Variants in GMPPA observed in about 807,000 individuals in gnomAD.
The protein encoded by GMPPA is mannose-1-phosphate guanylyltransferase regulatory subunit alpha.
Under a neutral mutation model 58.6 loss-of-function variants are expected in GMPPA, and 46 were observed. That is an observed-to-expected ratio of 0.78 (90% CI 0.62 to 1.00). GMPPA has a LOEUF of 1.00. Ranked by LOEUF, GMPPA falls within the 50% of genes least tolerant of loss-of-function variation. GMPPA has a pLI of 0.00. For missense variants in GMPPA, 468 were observed against 556.4 expected, an observed-to-expected ratio of 0.84 and a Z score of 1.60; for synonymous variants, 211 against 214.9, an observed-to-expected ratio of 0.98 and a Z score of 0.16.
At position 219,506,238 on chromosome 2, in the gene GMPPA, C is replaced by T; in HGVS notation, c.994-16C>T. 6.3e-7 allele frequency: 1 copy of T among 1,596,356 alleles called. No homozygotes were observed. Among genetic ancestry groups the T allele is most frequent in the Non-Finnish European group, 8.6e-7 (1 of 1,168,102 alleles). On this transcript the variant is annotated splice_polypyrimidine_tract_variant and intron_variant, in intron 11 of 12. Transcript: ENST00000313597. ...TCCTGCCTCTTCCCCTTACCTTTCA[C>T]TGTCCTCTTTGGCAGGAGCACACGT... is the stretch of plus-strand genomic sequence containing the variant.
chr2:219,501,773 G>C (rs894186395), intron 4 of GMPPA, 78 bp from the exon 5 acceptor site: 1 of 1,293,046 alleles, frequency 7.7e-7, no homozygotes, highest in Non-Finnish European at 1.1e-6. Flanking sequence ...GGGAGCAAGC[G>C]GTGGCGGTCA....
rs763276959 is a variant in GMPPA, at chr2:219,502,372, T to C, written c.430-10T>C. ...GGCGGGTCACTGTCTCGGGTGTGTC[T>C]GTCTTTCAGGCTAACAGGACGCAAT... On this transcript the variant is annotated splice_polypyrimidine_tract_variant and intron_variant, in intron 5 of 12. Transcript: ENST00000313597. This position sits in a 1 kb window ranked among gnomAD's most constrained non-coding sequence, Gnocchi z 4.0. 1.2e-6 allele frequency: 2 copies of C among 1,613,214 alleles called. No individual in the cohort carries two copies. The highest frequency in any genetic ancestry group is 1.1e-5 in the South Asian group (1 of 91,050).
At position 219,501,930 on chromosome 2, in the gene GMPPA, G is replaced by C. The variant is rs770645993; in HGVS notation, c.322G>C (p.Glu108Gln). Residue 108 changes from glutamate to glutamine, a missense_variant, in exon 5 of 13, where the codon GAG becomes CAG. By Grantham distance (29) the Glu-to-Gln change is conservative (BLOSUM62 2). Coordinates refer to ENST00000313597, the MANE Select transcript of GMPPA (RefSeq NM_013335.4). ...AGACCAGATCCTGGCTGGGAGCCCC[G>C]AGGCATTCTTCGTGCTCAATGCTGA... is the stretch of plus-strand genomic sequence containing the variant. Reference protein sequence around the residue: ...FRDQILAGSPEAFFVLNADVC... With the variant: ...FRDQILAGSPQAFFVLNADVC... The C allele has an allele frequency of 1.2e-6, 2 of 1,613,988 alleles. No homozygotes were observed. Among genetic ancestry groups the C allele is most frequent in the South Asian group, 1.1e-5 (1 of 91,080 alleles).
Position 219,501,855 on chromosome 2 carries a change from C to G in GMPPA, c.247C>G (p.Leu83Val), listed in dbSNP as rs756530418. The change falls in exon 5 of 13, where the codon CTG becomes GTG. Residue 83 changes from leucine to valine, a missense_variant. Leu to Val is a conservative substitution (Grantham distance 32). Coordinates refer to ENST00000313597, the MANE Select transcript of GMPPA (RefSeq NM_013335.4). ...CTCTCGGGTCCCTGGGGACAGGTAC[C>G]TGCAGGAATTTGCCCCCCTAGGCAC... is the stretch of plus-strand genomic sequence containing the variant. ...QQEFNLPVRYLQEFAPLGTGG... is the reference protein window; with the variant it reads ...QQEFNLPVRYVQEFAPLGTGG... The G allele has an allele frequency of 6.2e-7, 1 of 1,613,988 alleles. No homozygotes were observed. Among genetic ancestry groups the G allele is most frequent in the Non-Finnish European group, 8.5e-7 (1 of 1,179,864 alleles).
Position 219,502,414 on chromosome 2 carries a change from C to T in GMPPA, c.462C>T (p.Cys154=). 1 of 1,613,966 alleles carries T rather than the reference C, an allele frequency of 6.2e-7. No homozygotes were observed. Among genetic ancestry groups the T allele is most frequent in the Non-Finnish European group, 8.5e-7 (1 of 1,179,896 alleles). The change falls in exon 6 of 13, where the codon TGC becomes TGT. Residue 154 remains cysteine (C), a synonymous_variant. Transcript: ENST00000313597. This position sits in a 1 kb window ranked among gnomAD's most constrained non-coding sequence, Gnocchi z 4.0. ...ANRTQSLNYG[C]IVENPQTHEV... Reference sequence around the variant, plus strand: ...GGACGCAATCCCTCAACTACGGCTGCATCGTTGAGAATCCACAGACACACG... The same window carrying T: ...GGACGCAATCCCTCAACTACGGCTGTATCGTTGAGAATCCACAGACACACG...
At chr2:219,500,572 G>T in intron 3 of GMPPA, 1 of 273,472 alleles carries the variant, frequency 3.7e-6, no homozygotes, top group Non-Finnish European at 7.1e-6. Context: ...TTTCTTTATT[G>T]CTTTTCGTAT....
intron 6 of GMPPA, among the ~76,000 whole-genome samples, chr2:219,503,473 T>C (rs1269121578): frequency 6.6e-6 from 1 of 152,124 alleles, no homozygotes; most frequent in Non-Finnish European, 1.5e-5. Flanking sequence ...AAAACATACA[T>C]ATAAACACGC....
chr2:219,505,581 C>G, intron 9 of GMPPA, 26 bp downstream of exon 9: 1 of 1,568,388 alleles, frequency 6.4e-7, no homozygotes, highest in Non-Finnish European at 8.7e-7. Flanking sequence ...CAATTCCTAA[C>G]CTTTGGCTTC....
chr2:219,504,920 G>A, intron 7 of GMPPA: 2 of 1,101,280 alleles, frequency 1.8e-6, no homozygotes, highest in South Asian at 2.8e-5. Flanking sequence ...GTAACTTGGA[G>A]GGGGTAAAGG....
intron 7 of GMPPA, 82 bp downstream of exon 7, chr2:219,504,295 C>A: frequency 7.5e-7 from 1 of 1,329,856 alleles, no homozygotes; most frequent in Non-Finnish European, 1.1e-6. Flanking sequence ...CAGGCTCCAT[C>A]TCAACTTGCT....
Position 219,504,222 on chromosome 2 carries a change from G to C in GMPPA, c.620+9G>C. On this transcript the variant is annotated intron_variant, in intron 7 of 12. Coordinates refer to ENST00000313597, the MANE Select transcript of GMPPA (RefSeq NM_013335.4). ...CAGCAGGATGGGCAATTGTGAGGCA[G>C]GCCCCATAGCCCTGTGACCCCAAGT... The C allele has an allele frequency of 6.2e-7, 1 of 1,613,650 alleles. No individual in the cohort carries two copies. The highest frequency in any genetic ancestry group is 1.3e-5 in the African/African-American group (1 of 74,986).
Position 219,501,541 on chromosome 2 carries a change from C to T in GMPPA, c.204C>T (p.Phe68=). The change falls in exon 4 of 13, where the codon TTC becomes TTT. Residue 68 remains phenylalanine (F), a synonymous_variant. Transcript: ENST00000313597. Reference sequence around the variant, plus strand: ...AACCTGATGAGCCCCTCACCCAGTTCCTAGAAGCCGCCCAGCAGGAGTTTA... The same window carrying T: ...AACCTGATGAGCCCCTCACCCAGTTTCTAGAAGCCGCCCAGCAGGAGTTTA... The part of the protein sequence containing the change: ...FYQPDEPLTQ[F]LEAAQQEFNL... 1 of 1,612,820 alleles carries T rather than the reference C, an allele frequency of 6.2e-7. No homozygotes were observed. The highest frequency in any genetic ancestry group is 8.5e-7 in the Non-Finnish European group (1 of 1,178,780).
At position 219,506,750 on chromosome 2, in the gene GMPPA, G is replaced by C; in HGVS notation, c.1215G>C (p.Leu405=). Residue 405 remains leucine, a synonymous_variant, in exon 13 of 13, where the codon CTG becomes CTC. Coordinates refer to ENST00000313597, the MANE Select transcript of GMPPA (RefSeq NM_013335.4). ...AEVLILNSIV[L]PHKELSRSFT... is the part of the protein sequence containing the mutation. ...TGCTCATCCTGAACTCGATTGTTCT[G>C]CCACACAAGGAGCTGAGCCGAAGCT... The C allele has an allele frequency of 6.2e-7, 1 of 1,607,388 alleles. No homozygotes were observed. Among genetic ancestry groups the C allele is most frequent in the East Asian group, 2.2e-5 (1 of 44,814 alleles).
chr2:219,505,753 T>G lies in GMPPA; in HGVS notation c.892T>G (p.Ser298Ala). 1 of 1,607,266 alleles carries G rather than the reference T, an allele frequency of 6.2e-7. No homozygotes were observed. The highest frequency in any genetic ancestry group is 8.5e-7 in the Non-Finnish European group (1 of 1,177,932). ...CCACCCGACCGCCAAGGTGGCCCCC[T>G]CGGCTGTGGTGAGCACTGGTCCCAG... ...YIHPTAKVAP[S>A]AVLGPNVSIG... The change falls in exon 10 of 13, where the codon TCG (serine) becomes GCG (alanine). Residue 298 changes from serine to alanine, a missense_variant. Transcript: ENST00000313597.
intron 1 of GMPPA, 42 bp from the exon 2 acceptor site, chr2:219,499,914 G>A: frequency 6.6e-7 from 1 of 1,507,514 alleles, no homozygotes; most frequent in Middle Eastern, 1.7e-4. Context: ...GGCTTGGTTG[G>A]GGTAGGAGAT....
chr2:219,504,509 G>T, intron 7 of GMPPA: 1 of 470,484 alleles, frequency 2.1e-6, no homozygotes, highest in Non-Finnish European at 3.8e-6. Context: ...GCAACACACA[G>T]TTGGGCGCAC....
intron 1 of GMPPA, chr2:219,499,278 G>A (rs1243902378): frequency 6.6e-6 from 1 of 152,496 alleles, no homozygotes; most frequent in Non-Finnish European, 1.5e-5. Context: ...TTCATGTTTA[G>A]CATATAGAGG....
chr2:219,506,435 G>A lies in GMPPA; in HGVS notation c.1162+13G>A, dbSNP rs1694594841. On this transcript the variant is annotated intron_variant, in intron 12 of 12. Coordinates refer to ENST00000313597, the MANE Select transcript of GMPPA (RefSeq NM_013335.4). ...ATCACCATCCTGGGTATGGCTTCCT[G>A]GGGGCCAGGGCTGGGGGAACCCCTC... 2 of 1,606,992 alleles carry A rather than the reference G, an allele frequency of 1.2e-6. No homozygotes were observed. The highest frequency in any genetic ancestry group is 2.7e-5 in the African/African-American group (2 of 74,868).
At chr2:219,500,292 G>A in intron 3 of GMPPA, 74 bp downstream of exon 3, 1 of 836,180 alleles carries the variant, frequency 1.2e-6, no homozygotes, top group Non-Finnish European at 2.0e-6. Flanking sequence ...TCCCAACCAT[G>A]AACTCTTCCC....
Sources: allele counts gnomAD v4.1 joint callset (sites outside exome capture counted in the v4.1 genomes callset), GRCh38; gene constraint gnomAD v4.1.1; non-coding constraint Gnocchi (gnomAD v3.1); transcripts MANE v1.5; gene names NCBI Gene and HGNC (gene_info 2026-07-23, HGNC 2026-07-21).